The following KLHL1 variants were observed in gnomAD, a reference collection of about 807,000 sequenced individuals.
KLHL1 encodes kelch like family member 1.
Under a neutral mutation model 77.7 loss-of-function variants are expected in KLHL1, and 47 were observed. That is an observed-to-expected ratio of 0.60 (90% CI 0.48 to 0.77). The LOEUF (loss-of-function observed/expected upper bound fraction) is 0.77. Ranked by LOEUF, KLHL1 falls within the 30% of genes least tolerant of loss-of-function variation. The pLI, the probability that KLHL1 is intolerant of heterozygous loss-of-function variation, is 0.00. For missense variants in KLHL1, 925 were observed against 910.8 expected (o/e 1.02, Z -0.20); for synonymous variants, 360 against 325.2 (o/e 1.11, Z -1.15).
At chr13:70,025,497 A>G (rs142190636) in intron 1 of KLHL1, among the ~76,000 whole-genome samples, 136 of 152,132 alleles carry the variant, frequency 8.9e-4, no homozygotes, top group Middle Eastern at 3.4e-3. Context: ...AAGAACATGC[A>G]TGAAATATCT....
chr13:69,890,480 A>C (rs1052661723), intron 4 of KLHL1, among the ~76,000 whole-genome samples: 2 of 152,094 alleles, frequency 1.3e-5, no homozygotes, highest in African/African-American at 4.8e-5. Context: ...CGACCCTGTG[A>C]GGAAGCCCTT....
At chr13:69,893,790 T>C (rs1881525827) in intron 4 of KLHL1, among the ~76,000 whole-genome samples, 1 of 152,224 alleles carries the variant, frequency 6.6e-6, no homozygotes, top group Admixed American at 6.5e-5. Context: ...AATGGCTGTT[T>C]ATTATTTCTT....
rs1190586210 is a variant in KLHL1 at position 69,711,588 on chromosome 13, T to C, written c.2016-3792A>G. On this transcript the variant is annotated intron_variant, in intron 9 of 10. Transcript: ENST00000377844. ...AAATGTTCCTAGACTTTAAAAACTA[T>C]TTATATTCTGAAAATATAAAACAAT... is the stretch of plus-strand genomic sequence containing the variant. Among the ~76,000 whole-genome samples the C allele has an allele frequency of 3.3e-5, 5 of 152,284 alleles. No homozygotes were observed. In the East Asian group the frequency reaches 9.6e-4, roughly 29 times the overall value.
chr13:69,797,055 CTT>C, intron 6 of KLHL1, 93 bp from the exon 7 acceptor site: 1 of 973,614 alleles, frequency 1.0e-6, no homozygotes, highest in Non-Finnish European at 1.6e-6. Flanking sequence ...TGAAAACACT[CTT>C]GTCATATTCA....
intron 1 of KLHL1, among the ~76,000 whole-genome samples, chr13:70,085,662 G>C (rs971859353): frequency 6.6e-6 from 1 of 151,890 alleles, no homozygotes; most frequent in Non-Finnish European, 1.5e-5. Context: ...TCAGGAGTTC[G>C]AGATCAGCCT....
intron 7 of KLHL1, among the ~76,000 whole-genome samples, chr13:69,772,574 C>A (rs537241142): frequency 1.3e-4 from 20 of 152,292 alleles, no homozygotes; most frequent in African/African-American, 4.8e-4. Context: ...TCTAAATCTA[C>A]TCTAGTTTGT....
intron 7 of KLHL1, among the ~76,000 whole-genome samples, chr13:69,760,011 A>G (rs9572262): frequency 0.24 from 36,046 of 152,064 alleles, 4,353 homozygotes; most frequent in South Asian, 0.31. Flanking sequence ...AGACACCCTC[A>G]CGAATGGAGG....
rs369986393 is a variant in KLHL1 at position 69,740,578 on chromosome 13, T to C, written c.1640-22A>G. 4.5e-4 allele frequency: 711 copies of C among 1,568,014 alleles called. 4 individuals carry two copies. The highest frequency in any genetic ancestry group is 3.9e-3 in the Middle Eastern group (23 of 5,882). ...ACACCTAAAATATTAGATAAATGAA[T>C]GTAGTGCCTATAGTTAATATCATAT... On this transcript the variant is annotated intron_variant, in intron 7 of 10. Transcript: ENST00000377844.
At chr13:69,893,352 A>T (rs976601279) in intron 4 of KLHL1, among the ~76,000 whole-genome samples, 7 of 150,284 alleles carry the variant, frequency 4.7e-5, no homozygotes, top group African/African-American at 1.7e-4. Flanking sequence ...CTCCTGCCTC[A>T]GCCTCCCGAG....
At chr13:69,763,881 G>GA (rs1434187990) in intron 7 of KLHL1, among the ~76,000 whole-genome samples, 1 of 152,190 alleles carries the variant, frequency 6.6e-6, no homozygotes, top group East Asian at 1.9e-4. Flanking sequence ...AGCATAATAA[G>GA]AAAGTCTCCT....
At chr13:69,934,340 T>C (rs912228227) in intron 4 of KLHL1, among the ~76,000 whole-genome samples, 1 of 152,146 alleles carries the variant, frequency 6.6e-6, no homozygotes, top group Admixed American at 6.6e-5. Flanking sequence ...ATATCACATC[T>C]TATATTACAT....
chr13:69,786,962 C>A (rs1467356064), intron 7 of KLHL1, among the ~76,000 whole-genome samples: 3 of 152,114 alleles, frequency 2.0e-5, no homozygotes, highest in African/African-American at 4.8e-5. Context: ...TGTGAAGGAC[C>A]TCTTCAAGGA....
At chr13:69,867,262 C>T (rs573985461) in intron 5 of KLHL1, among the ~76,000 whole-genome samples, 1 of 151,908 alleles carries the variant, frequency 6.6e-6, no homozygotes, top group African/African-American at 2.4e-5. Flanking sequence ...TTTTCTGTTC[C>T]TAAATTCTAT....
intron 6 of KLHL1, 87 bp downstream of exon 6, chr13:69,838,889 A>AT: frequency 3.6e-6 from 3 of 822,322 alleles, no homozygotes; most frequent in Non-Finnish European, 3.5e-6. Context: ...AGTTTATGTC[A>AT]TTTTTTGTAG....
intron 1 of KLHL1, among the ~76,000 whole-genome samples, chr13:70,077,069 T>C (rs1346983030): frequency 6.6e-6 from 1 of 151,974 alleles, no homozygotes; most frequent in African/African-American, 2.4e-5. Flanking sequence ...ATTTGGAAGT[T>C]CCTTAAAAAG....
intron 1 of KLHL1, among the ~76,000 whole-genome samples, chr13:70,026,705 TGTGTGTGTG>T (rs752743638): frequency 0.32 from 39,264 of 120,906 alleles, 5,640 homozygotes; most frequent in East Asian, 0.61. Context: ...GAACTTAGGG[TGTGTGTGTG>T]TGTGTGTGTG....
chr13:69,925,543 T>A (rs9317847), intron 4 of KLHL1, among the ~76,000 whole-genome samples: 1 of 151,934 alleles, frequency 6.6e-6, no homozygotes, highest in African/African-American at 2.4e-5. Context: ...CATGTGAACA[T>A]TGACACTGTT....
At chr13:69,894,460 C>A in intron 4 of KLHL1, 1 of 167,866 alleles carries the variant, frequency 6.0e-6, no homozygotes, top group South Asian at 1.5e-4. Context: ...TTCAACAGTT[C>A]CAACATTATT....
intron 8 of KLHL1, among the ~76,000 whole-genome samples, chr13:69,724,846 AAATT>A (rs1249202165): frequency 1.3e-5 from 2 of 152,290 alleles, no homozygotes; most frequent in Non-Finnish European, 1.5e-5. Flanking sequence ...CTCAATAAGA[AAATT>A]AATTAAGATG....
Sources: allele counts gnomAD v4.1 joint callset (sites outside exome capture counted in the v4.1 genomes callset), GRCh38; gene constraint gnomAD v4.1.1; transcripts MANE v1.5; gene names NCBI Gene and HGNC (gene_info 2026-07-23, HGNC 2026-07-21).